The following ZNF57 variants were observed in gnomAD, a reference collection of about 807,000 sequenced individuals.
ZNF57 encodes the protein zinc finger protein 57.
In ZNF57, 11 loss-of-function variants were observed where a neutral mutation model predicts 13.4. The observed-to-expected ratio is 0.82, with a 90% confidence interval of 0.52 to 1.36. The LOEUF (loss-of-function observed/expected upper bound fraction) is 1.36. Among genes scored for constraint, ZNF57 ranks in the 40% most tolerant of loss-of-function variants. The pLI is 0.00. For missense variants in ZNF57, 696 were observed against 667.5 expected, an observed-to-expected ratio of 1.04 and a Z score of -0.47; for synonymous variants, 224 against 238.5, an observed-to-expected ratio of 0.94 and a Z score of 0.56.
chr19:2,905,411 C>CCT lies in ZNF57; in HGVS notation c.3+4364_3+4365insTC, dbSNP rs765695680. On this transcript the variant is annotated intron_variant, in intron 1 of 3. Transcript: ENST00000306908. ...AACTCTTGACTTCAGGTGATCGCCCCCCCCCCCTCGGCATTCCAAAGTATT... is the reference window on the plus strand; with the variant it reads ...AACTCTTGACTTCAGGTGATCGCCCCCTCCCCCCCTCGGCATTCCAAAGTATT... Among the ~76,000 whole-genome samples, 4 of 68,096 alleles carry CCT rather than the reference C, an allele frequency of 5.9e-5. 1 individual carries two copies. Among genetic ancestry groups the CCT allele is most frequent in the African/African-American group, 2.0e-4 (4 of 20,404 alleles). The allele number at this position is 68,096 out of a possible 152,430, so 44.7% of individuals were successfully genotyped here.
chr19:2,903,862 A>G (rs1346174640), intron 1 of ZNF57, among the ~76,000 whole-genome samples: 1 of 150,834 alleles, frequency 6.6e-6, no homozygotes, highest in Non-Finnish European at 1.5e-5. Flanking sequence ...ACTACAGGCG[A>G]CCGCCACCTC....
At chr19:2,902,209 T>G (rs1599594463) in intron 1 of ZNF57, among the ~76,000 whole-genome samples, 1 of 144,764 alleles carries the variant, frequency 6.9e-6, no homozygotes. Context: ...TCAGAGGCAG[T>G]TTGGGGGACG....
chr19:2,916,005 A>G, intron 2 of ZNF57, 73 bp from the exon 3 acceptor site: 3 of 1,508,728 alleles, frequency 2.0e-6, no homozygotes, highest in Non-Finnish European at 2.7e-6. Context: ...TCAAAATGCT[A>G]AACTCCTCAG....
chr19:2,915,875 G>C, intron 2 of ZNF57: 1 of 903,790 alleles, frequency 1.1e-6, no homozygotes, highest in South Asian at 1.6e-5. Flanking sequence ...CATTAGTAGG[G>C]GTATAGATTT....
At chr19:2,905,434 A>G (rs1205776849) in intron 1 of ZNF57, among the ~76,000 whole-genome samples, 1 of 86,344 alleles carries the variant, frequency 1.2e-5, no homozygotes, top group Non-Finnish European at 2.4e-5. Context: ...ATTCCAAAGT[A>G]TTTGCATTAC....
Position 2,917,346 on chromosome 19 carries a change from A to G in ZNF57, c.725A>G (p.His242Arg). 6.2e-7 allele frequency: 1 copy of G among 1,614,180 alleles called. No homozygotes were observed. Among genetic ancestry groups the G allele is most frequent in the Non-Finnish European group, 8.5e-7 (1 of 1,179,996 alleles). Residue 242 changes from histidine (H) to arginine (R), a missense_variant, in exon 4 of 4, where the codon CAT becomes CGT. Around this residue, in one of 3 missense-constraint regions of ZNF57, gnomAD observed 645 missense variants for 591.5 expected, o/e 1.09. Coordinates refer to ENST00000306908, the MANE Select transcript of ZNF57 (RefSeq NM_173480.3). ...AATGGGTTCGCAAGCTTCACTAGACATGTGAGAACTCACACAAAAGACAGG... is the reference window on the plus strand; with the variant it reads ...AATGGGTTCGCAAGCTTCACTAGACGTGTGAGAACTCACACAAAAGACAGG... ...AFNGFASFTRHVRTHTKDRPY... is the reference protein window; with the variant it reads ...AFNGFASFTRRVRTHTKDRPY...
intron 1 of ZNF57, among the ~76,000 whole-genome samples, chr19:2,906,229 A>G (rs7507713): frequency 2.0e-5 from 3 of 151,812 alleles, no homozygotes; most frequent in Non-Finnish European, 2.9e-5. Context: ...ATTAAAAAAA[A>G]TTTTTATAGA....
chr19:2,912,278 T>C (rs1017944511), intron 1 of ZNF57: 3 of 152,222 alleles, frequency 2.0e-5, no homozygotes, highest in Admixed American at 6.5e-5. Context: ...TAGACACTGA[T>C]GAAACCCCAA....
chr19:2,907,165 T>G (rs1419204277), intron 1 of ZNF57: 1 of 152,168 alleles, frequency 6.6e-6, no homozygotes, highest in Non-Finnish European at 1.5e-5. Context: ...AACCTGTAAG[T>G]GAGGAATACG....
At chr19:2,911,538 CA>C (rs71179930) in intron 1 of ZNF57, among the ~76,000 whole-genome samples, 84,414 of 150,250 alleles carry the variant, frequency 0.56, 24,207 homozygotes, top group African/African-American at 0.69. Context: ...GTCTCAAAAA[CA>C]AAAAAAAACG....
intron 1 of ZNF57, among the ~76,000 whole-genome samples, chr19:2,901,266 C>T (rs115433226): frequency 0.01 from 1,026 of 99,170 alleles, 16 homozygotes; most frequent in African/African-American, 0.039. Flanking sequence ...TTGGGGGTAA[C>T]TTAGGGGGAG....
At chr19:2,914,132 C>T (rs933078118) in intron 1 of ZNF57, among the ~76,000 whole-genome samples, 4 of 152,150 alleles carry the variant, frequency 2.6e-5, no homozygotes, top group African/African-American at 9.7e-5. Context: ...CCTCGTATTT[C>T]ACCTAGATGT....
In ZNF57 at chr19:2,918,340, A is replaced by G. The variant is rs780040077; in HGVS notation, c.*51A>G. 3.3e-6 allele frequency: 5 copies of G among 1,512,560 alleles called. No individual in the cohort carries two copies. The South Asian group carries it at 6.7e-5, about 20-fold the overall frequency. 93.7% of individuals were successfully genotyped at this position (1,512,560 alleles called of 1,614,324 possible). On this transcript the variant is annotated 3_prime_UTR_variant, in exon 4 of 4. Transcript: ENST00000306908. ...GTAACCTCACATTAATTCATGTATA[A>G]TGCTCCAGAAAATTCACACCAGGAG...
chr19:2,907,608 T>C (rs940623101), intron 1 of ZNF57, among the ~76,000 whole-genome samples: 1 of 152,240 alleles, frequency 6.6e-6, no homozygotes, highest in African/African-American at 2.4e-5. Context: ...TTGACAGCTC[T>C]TAAATCCTTG....
At chr19:2,913,675 G>A (rs2088161172) in intron 1 of ZNF57, among the ~76,000 whole-genome samples, 1 of 138,278 alleles carries the variant, frequency 7.2e-6, no homozygotes, top group South Asian at 2.6e-4. Context: ...TTTTTTTTTG[G>A]TGGGGGGAGA....
At chr19:2,902,027 C>T (rs948177994) in intron 1 of ZNF57, among the ~76,000 whole-genome samples, 8 of 151,218 alleles carry the variant, frequency 5.3e-5, no homozygotes, top group Admixed American at 4.0e-4. Context: ...GTCACAAGGG[C>T]GGGGTACATT....
intron 1 of ZNF57, among the ~76,000 whole-genome samples, chr19:2,914,498 G>C (rs1028497685): frequency 7.2e-5 from 11 of 151,906 alleles, no homozygotes; most frequent in African/African-American, 2.7e-4. Flanking sequence ...CAGGTGATCT[G>C]CCTGCCTCGG....
At chr19:2,907,184 A>G (rs968037010) in intron 1 of ZNF57, 1 of 152,216 alleles carries the variant, frequency 6.6e-6, no homozygotes, top group Non-Finnish European at 1.5e-5. Flanking sequence ...CGTTCTCTCC[A>G]AAACCCAGAT....
chr19:2,906,157 G>A (rs955863401), intron 1 of ZNF57, among the ~76,000 whole-genome samples: 4 of 152,196 alleles, frequency 2.6e-5, no homozygotes, highest in Admixed American at 1.3e-4. Context: ...GCACTCAAGC[G>A]ATCTTCGGCC....
Sources: gnomAD v4.1 joint callset for allele counts (sites outside exome capture counted in the v4.1 genomes callset) on GRCh38, gnomAD v4.1.1 for gene constraint, gnomAD v4.1.1 regional missense constraint, MANE v1.5 for transcripts, NCBI Gene and HGNC (gene_info 2026-07-23, HGNC 2026-07-21) for gene names.